MOB3B: variants seen among roughly 807,000 people sequenced by gnomAD.
MOB3B encodes the protein MOB kinase activator 3B.
A neutral mutation model predicts 18.7 loss-of-function variants in MOB3B; 7 were observed. The observed-to-expected ratio is 0.37, with a 90% CI of 0.21 to 0.70. The LOEUF (loss-of-function observed/expected upper bound fraction) is 0.70, where lower values mean the gene tolerates loss of function less well. Ranked by LOEUF, MOB3B falls within the 30% of genes least tolerant of loss-of-function variation. MOB3B has a pLI of 0.52. For missense variants in MOB3B, 253 were observed against 281.3 expected (o/e 0.90, Z 0.72); for synonymous variants, 111 against 99.9 (o/e 1.11, Z -0.66).
At chr9:27,478,810 GACACACACACACACACACACACACAC>G (rs34976107) in intron 1 of MOB3B, among the ~76,000 whole-genome samples, 1 of 141,308 alleles carries the variant, frequency 7.1e-6, no homozygotes, top group African/African-American at 2.7e-5. Flanking sequence ...GGATTAAAAA[GACACACACACACACACACACACACAC>G]ACACACACAC....
At chr9:27,445,901 G>C (rs1370021633) in intron 2 of MOB3B, among the ~76,000 whole-genome samples, 1 of 152,094 alleles carries the variant, frequency 6.6e-6, no homozygotes, top group South Asian at 2.1e-4. Context: ...CCTGACTCTT[G>C]GCTGCAGCTT....
At chr9:27,441,838 A>AGT (rs34460630) in intron 2 of MOB3B, among the ~76,000 whole-genome samples, 4,884 of 152,194 alleles carry the variant, frequency 0.032, 109 homozygotes, top group Non-Finnish European at 0.049. Flanking sequence ...CCACCCCAGC[A>AGT]GTGTTCTCAG....
intron 2 of MOB3B, among the ~76,000 whole-genome samples, chr9:27,408,104 C>T (rs1822014205): frequency 6.6e-6 from 1 of 152,160 alleles, no homozygotes; most frequent in African/African-American, 2.4e-5. Context: ...CCGAGGCTGA[C>T]ACAGAAGGCT....
intron 2 of MOB3B, among the ~76,000 whole-genome samples, chr9:27,428,713 G>T (rs923793322): frequency 6.6e-6 from 1 of 152,236 alleles, no homozygotes; most frequent in Non-Finnish European, 1.5e-5. Flanking sequence ...TGGATGGCAG[G>T]TGCCATGGCT....
intron 2 of MOB3B, among the ~76,000 whole-genome samples, chr9:27,395,185 G>C (rs1335353247): frequency 6.6e-6 from 1 of 152,188 alleles, no homozygotes; most frequent in African/African-American, 2.4e-5. Context: ...ATTGATCAAA[G>C]GGTACAAAGT....
chr9:27,433,040 T>C (rs1407203073), intron 2 of MOB3B, among the ~76,000 whole-genome samples: 1 of 152,134 alleles, frequency 6.6e-6, no homozygotes, highest in Non-Finnish European at 1.5e-5. Flanking sequence ...TCAACATCTT[T>C]ATTTCAGGAA....
intron 2 of MOB3B, among the ~76,000 whole-genome samples, chr9:27,367,657 CA>C (rs1217682324): frequency 1.3e-5 from 2 of 152,200 alleles, no homozygotes; most frequent in Non-Finnish European, 2.9e-5. Context: ...AGGCATCTGG[CA>C]AATGGCAGCC....
chr9:27,447,177 A>G (rs757833621), intron 2 of MOB3B, among the ~76,000 whole-genome samples: 1 of 152,178 alleles, frequency 6.6e-6, no homozygotes. Context: ...ATGACATCAT[A>G]TAAGTATCTG....
At chr9:27,402,105 A>G (rs1821894013) in intron 2 of MOB3B, among the ~76,000 whole-genome samples, 1 of 152,214 alleles carries the variant, frequency 6.6e-6, no homozygotes, top group South Asian at 2.1e-4. Context: ...GAAATAATAA[A>G]GTCAACTTTG....
At chr9:27,493,314 G>T (rs1819847768) in intron 1 of MOB3B, among the ~76,000 whole-genome samples, 1 of 152,144 alleles carries the variant, frequency 6.6e-6, no homozygotes. Flanking sequence ...AATTTCTTAT[G>T]CCTGTCTTTA....
intron 1 of MOB3B, among the ~76,000 whole-genome samples, chr9:27,470,374 A>AAACCT (rs1819452899): frequency 6.6e-6 from 1 of 152,090 alleles, no homozygotes; most frequent in African/African-American, 2.4e-5. Context: ...GAGAACTTTC[A>AAACCT]GGTTTCGCTT....
intron 2 of MOB3B, among the ~76,000 whole-genome samples, chr9:27,384,646 CG>C (rs1821625516): frequency 6.6e-6 from 1 of 152,190 alleles, no homozygotes; most frequent in South Asian, 2.1e-4. Context: ...TGGAGGTGAA[CG>C]TGCTTTAGGA....
chr9:27,440,307 T>G (rs1192674051), intron 2 of MOB3B, among the ~76,000 whole-genome samples: 2 of 152,216 alleles, frequency 1.3e-5, no homozygotes, highest in Non-Finnish European at 2.9e-5. Context: ...TGAATTCAAT[T>G]ATCTATGTAG....
chr9:27,458,507 T>A (rs1819224994), intron 1 of MOB3B, among the ~76,000 whole-genome samples: 1 of 146,118 alleles, frequency 6.8e-6, no homozygotes, highest in South Asian at 2.2e-4. Flanking sequence ...TATAACAAAT[T>A]TGAAGATATG....
rs566246242 is a variant in MOB3B at position 27,523,531 on chromosome 9, G to A, written c.-199+6024C>T. Among the ~76,000 whole-genome samples the A allele has an allele frequency of 3.5e-4, 53 of 151,804 alleles. 2 individuals carry two copies. The South Asian group carries it at 0.011, about 31-fold the overall frequency. ...AAGAGAGAAGTTAATGAGGCAGAAAGATATTCTCAAATATAAAACCCCCTC... is the reference window on the plus strand; with the variant it reads ...AAGAGAGAAGTTAATGAGGCAGAAAAATATTCTCAAATATAAAACCCCCTC... On this transcript the variant is annotated intron_variant, in intron 1 of 3. Coordinates refer to ENST00000262244, the MANE Select transcript of MOB3B (RefSeq NM_024761.5).
intron 1 of MOB3B, chr9:27,524,994 C>G (rs1480903909): frequency 6.7e-7 from 1 of 1,499,108 alleles, no homozygotes; most frequent in Non-Finnish European, 8.9e-7. Flanking sequence ...CCTTTTCCCT[C>G]CGAAATCTCT....
intron 2 of MOB3B, among the ~76,000 whole-genome samples, chr9:27,422,119 T>C (rs1451634589): frequency 1.3e-5 from 2 of 152,228 alleles, no homozygotes; most frequent in Non-Finnish European, 2.9e-5. Context: ...CGTGAATGAA[T>C]GCTACCTCTT....
Position 27,455,453 on chromosome 9 carries a change from C to G in MOB3B, c.98G>C (p.Arg33Pro). ...ACCCGAGTTGAGGGATGCCTGAGCC[C>G]GTTTGTGCAGCTCAAACCTCTGTGT... ...PGTQRFELHK[R>P]AQASLNSGVD... is the part of the protein sequence containing the mutation. Residue 33 changes from arginine (R) to proline (P), a missense_variant, in exon 2 of 4, where the codon CGG becomes CCG. Physicochemically the swap from Arg to Pro is moderately radical, Grantham distance 103. Transcript: ENST00000262244. 6.2e-7 allele frequency: 1 copy of G among 1,614,184 alleles called. No homozygotes were observed. The highest frequency in any genetic ancestry group is 1.1e-5 in the South Asian group (1 of 91,080).
At chr9:27,481,638 G>T (rs796933150) in intron 1 of MOB3B, among the ~76,000 whole-genome samples, 4 of 150,014 alleles carry the variant, frequency 2.7e-5, no homozygotes, top group African/African-American at 9.9e-5. Flanking sequence ...CCACTCTCCT[G>T]CCTCAGCCTC....
Sources: gnomAD v4.1 joint callset for allele counts (sites outside exome capture counted in the v4.1 genomes callset) on GRCh38, gnomAD v4.1.1 for gene constraint, MANE v1.5 for transcripts, NCBI Gene and HGNC (gene_info 2026-07-23, HGNC 2026-07-21) for gene names.